The following FBXO36 variants were observed in gnomAD, a reference collection of about 807,000 sequenced individuals.
FBXO36 encodes the protein F-box protein 36.
A neutral mutation model predicts 17.0 loss-of-function variants in FBXO36; 18 were observed. The observed-to-expected ratio is 1.06, with a 90% CI of 0.73 to 1.57. FBXO36 has a LOEUF of 1.57. Ranked by LOEUF, FBXO36 falls within the 40% of genes most tolerant of loss-of-function variation. FBXO36 has a pLI of 0.00. For synonymous variants in FBXO36, 83 were observed against 85.3 expected (o/e 0.97, Z 0.15); for missense variants, 229 against 221.9 (o/e 1.03, Z -0.20).
At chr2:229,927,837 C>T (rs1200878182) in intron 1 of FBXO36, among the ~76,000 whole-genome samples, 1 of 151,620 alleles carries the variant, frequency 6.6e-6, no homozygotes, top group African/African-American at 2.4e-5. Context: ...GCACTAAAGA[C>T]TGAAAACACC....
chr2:229,934,387 C>T (rs1392705586), intron 1 of FBXO36, among the ~76,000 whole-genome samples: 3 of 152,156 alleles, frequency 2.0e-5, no homozygotes, highest in East Asian at 1.9e-4. Flanking sequence ...GGCGACAGAG[C>T]GAGACTCTGT....
intron 1 of FBXO36, among the ~76,000 whole-genome samples, chr2:229,934,626 T>C (rs2106156530): frequency 6.6e-6 from 1 of 152,292 alleles, no homozygotes; most frequent in Middle Eastern, 3.4e-3. Context: ...AGTCAGACTT[T>C]ACCTTTTCTA....
chr2:229,959,269 T>A (rs1383818182), intron 1 of FBXO36, among the ~76,000 whole-genome samples: 2 of 152,216 alleles, frequency 1.3e-5, no homozygotes, highest in African/African-American at 2.4e-5. Flanking sequence ...TCTTCCCATG[T>A]TGGTCTCCCA....
intron 1 of FBXO36, among the ~76,000 whole-genome samples, chr2:229,955,871 G>C (rs1428087050): frequency 6.6e-6 from 1 of 152,186 alleles, no homozygotes; most frequent in Non-Finnish European, 1.5e-5. Flanking sequence ...GGTTTAACAG[G>C]TTTATAGACT....
At chr2:229,966,354 C>T (rs963983314) in intron 1 of FBXO36, among the ~76,000 whole-genome samples, 14 of 152,142 alleles carry the variant, frequency 9.2e-5, no homozygotes, top group Admixed American at 5.9e-4. Flanking sequence ...ATGGTAGTTT[C>T]TTTTGCTGTG....
rs145442596 is a variant in FBXO36 at position 229,997,815 on chromosome 2, A to G, written c.378+892A>G. ...AGAGCAGGAAGCACAGTTAGTGCTG[A>G]TTTCAGCCATTGTCAAGGCTTCAGT... On this transcript the variant is annotated intron_variant, in intron 3 of 3. Coordinates refer to ENST00000283946, the MANE Select transcript of FBXO36 (RefSeq NM_174899.5). Among the ~76,000 whole-genome samples, 320 of 152,232 alleles carry G rather than the reference A, an allele frequency of 2.1e-3. 2 individuals are homozygous for G. The highest frequency in any genetic ancestry group is 7.5e-3 in the African/African-American group (311 of 41,536).
At chr2:229,929,886 T>C (rs529493261) in intron 1 of FBXO36, among the ~76,000 whole-genome samples, 19 of 152,248 alleles carry the variant, frequency 1.2e-4, no homozygotes, top group Non-Finnish European at 2.4e-4. Context: ...TTTGCAGACT[T>C]CTAAGCTATC....
At chr2:229,952,599 G>T (rs749912380) in intron 1 of FBXO36, among the ~76,000 whole-genome samples, 4 of 152,160 alleles carry the variant, frequency 2.6e-5, no homozygotes, top group Non-Finnish European at 4.4e-5. Context: ...AGATGAATGG[G>T]AGAGCCAGCC....
chr2:229,922,719 C>G (rs762571859), intron 1 of FBXO36, 110 bp downstream of exon 1: 108 of 1,115,294 alleles, frequency 9.7e-5, no homozygotes, highest in Admixed American at 2.3e-4. Flanking sequence ...GCCGGAAGCG[C>G]CCAGTCCCGG....
rs368514818 is a variant in FBXO36 at position 229,948,317 on chromosome 2, G to A, written c.96+25708G>A. Among the ~76,000 whole-genome samples, 11 of 152,168 alleles carry A rather than the reference G, an allele frequency of 7.2e-5. 1 individual carries two copies. In the East Asian group the frequency reaches 1.5e-3, roughly 21 times the overall value. ...TTAAATATTTTTCATTGTAAGTAAC[G>A]AATTGCTTTTAGAGCAGGAACAGTC... On this transcript the variant is annotated intron_variant, in intron 1 of 3. Transcript: ENST00000283946.
chr2:229,939,423 GT>G (rs1266635694), intron 1 of FBXO36, among the ~76,000 whole-genome samples: 1 of 151,580 alleles, frequency 6.6e-6, no homozygotes, highest in Non-Finnish European at 1.5e-5. Flanking sequence ...GGCCAGCACG[GT>G]GAAACCCCAT....
chr2:229,931,481 T>A (rs1441948051), intron 1 of FBXO36, among the ~76,000 whole-genome samples: 1 of 152,206 alleles, frequency 6.6e-6, no homozygotes, highest in Non-Finnish European at 1.5e-5. Context: ...GTCTGAGCCC[T>A]ATTTGCCTCA....
At chr2:229,944,080 A>AG (rs1197693376) in intron 1 of FBXO36, among the ~76,000 whole-genome samples, 3 of 152,198 alleles carry the variant, frequency 2.0e-5, no homozygotes, top group Admixed American at 2.0e-4. Context: ...AAGTTTCCAG[A>AG]GGCCTCCCCA....
chr2:229,945,860 G>A (rs1249394292), intron 1 of FBXO36, among the ~76,000 whole-genome samples: 2 of 151,298 alleles, frequency 1.3e-5, no homozygotes, highest in Non-Finnish European at 3.0e-5. Context: ...CTGTCTCTAC[G>A]AAAAATACAA....
intron 2 of FBXO36, among the ~76,000 whole-genome samples, chr2:229,979,637 G>A (rs927953427): frequency 4.0e-5 from 6 of 151,686 alleles, no homozygotes; most frequent in African/African-American, 7.3e-5. Flanking sequence ...AAAATTAGCC[G>A]GGTGTGGTTG....
Position 230,012,471 on chromosome 2 carries a change from A to C in FBXO36, c.*1587A>C, listed in dbSNP as rs2077420471. The C allele has an allele frequency of 6.8e-6, 1 of 147,070 alleles. No homozygotes were observed. Among genetic ancestry groups the C allele is most frequent in the Non-Finnish European group, 1.5e-5 (1 of 64,906 alleles). The allele number at this position is 147,070 out of a possible 1,614,324, so 9.1% of individuals were successfully genotyped here. A position where few individuals can be genotyped will look rare whatever the true frequency, so the allele number is the denominator to read the frequency against. The stretch of plus-strand genomic sequence containing the variant: ...AGTGCAATCTGCTTCCCAGCAGATG[A>C]GGAGCCTGACGTGGTTATGTCTGGA... On this transcript the variant is annotated 3_prime_UTR_variant, in exon 4 of 4. Coordinates refer to ENST00000283946, the MANE Select transcript of FBXO36 (RefSeq NM_174899.5).
chr2:229,980,905 G>A (rs1367067708), intron 2 of FBXO36, among the ~76,000 whole-genome samples: 1 of 152,084 alleles, frequency 6.6e-6, no homozygotes, highest in Non-Finnish European at 1.5e-5. Flanking sequence ...AATCAGCCCG[G>A]CAAGTTCAAA....
chr2:229,991,321 C>T (rs1049090854), intron 2 of FBXO36, among the ~76,000 whole-genome samples: 1 of 152,026 alleles, frequency 6.6e-6, no homozygotes, highest in Non-Finnish European at 1.5e-5. Flanking sequence ...AATGTGTCCC[C>T]CCTCAAATTC....
At chr2:229,939,216 GC>G in intron 1 of FBXO36, 1 of 985,086 alleles carries the variant, frequency 1.0e-6, no homozygotes, top group Non-Finnish European at 1.2e-6. Context: ...ACCGCGCCCG[GC>G]CCAACAGATA....
Sources: gnomAD v4.1 joint callset for allele counts (sites outside exome capture counted in the v4.1 genomes callset) on GRCh38, gnomAD v4.1.1 for gene constraint, MANE v1.5 for transcripts, NCBI Gene and HGNC (gene_info 2026-07-23, HGNC 2026-07-21) for gene names.